The following LTBP4 variants were observed in gnomAD, a reference collection of about 807,000 sequenced individuals.
LTBP4 encodes latent transforming growth factor beta binding protein 4, also known as latent-transforming growth factor beta-binding protein 4.
LTBP4 carries 93 observed loss-of-function variants against 180.2 expected under a neutral mutation model. The observed-to-expected ratio is 0.52, with a 90% CI of 0.44 to 0.61. LTBP4 has a LOEUF of 0.61. Ranked by LOEUF, LTBP4 falls within the 20% of genes least tolerant of loss-of-function variation. LTBP4 has a pLI of 0.00. For missense variants in LTBP4, 2,116 were observed against 2,256.5 expected (o/e 0.94, Z 1.26); for synonymous variants, 947 against 934.5 (o/e 1.01, Z -0.24).
intron 11 of LTBP4, chr19:40,610,160 C>T (rs2081494975): frequency 2.0e-6 from 1 of 506,528 alleles, no homozygotes; most frequent in East Asian, 3.2e-5. Flanking sequence ...CCACGCCCCT[C>T]CCTGACTAAC....
rs2081504804 is a variant in LTBP4, at chr19:40,611,344, G to A, written c.2003G>A (p.Cys668Tyr). 7 of 1,611,002 alleles carry A rather than the reference G, an allele frequency of 4.3e-6. No individual in the cohort carries two copies. Among genetic ancestry groups the A allele is most frequent in the Non-Finnish European group, 5.1e-6 (6 of 1,179,280 alleles). Residue 668 changes from cysteine (C) to tyrosine (Y), a missense_variant, in exon 13 of 30, where the codon TGT becomes TAT. Transcript: ENST00000396819. The surrounding 1 kb of genome is among the most constrained non-coding windows in gnomAD (Gnocchi z 4.4). ...RCDNTAGSFH[C>Y]ACPAGFRSRG... ...GACAACACGGCAGGCTCCTTTCACTGTGCCTGCCCTGCTGGCTTCCGCTCC... is the reference window on the plus strand; with the variant it reads ...GACAACACGGCAGGCTCCTTTCACTATGCCTGCCCTGCTGGCTTCCGCTCC...
At position 40,611,365 on chromosome 19, in the gene LTBP4, G is replaced by A. The variant is rs544264949; in HGVS notation, c.2024G>A (p.Arg675His). 2.7e-5 allele frequency: 43 copies of A among 1,608,862 alleles called. 1 individual carries two copies. The highest frequency in any genetic ancestry group is 2.0e-4 in the East Asian group (9 of 44,830). Residue 675 changes from arginine to histidine, a missense_variant, in exon 13 of 30, where the codon CGC becomes CAC. Coordinates refer to ENST00000396819, the MANE Select transcript of LTBP4 (RefSeq NM_001042545.2). The surrounding 1 kb of genome is among the most constrained non-coding windows in gnomAD (Gnocchi z 4.4). ...CACTGTGCCTGCCCTGCTGGCTTCC[G>A]CTCCCGAGGGCCCGGGGCCCCCTGC... is the stretch of plus-strand genomic sequence containing the variant. ...SFHCACPAGF[R>H]SRGPGAPCQD...
At position 40,629,632 on chromosome 19, in the gene LTBP4, T is replaced by G; in HGVS notation, c.*82T>G. On this transcript the variant is annotated 3_prime_UTR_variant, in exon 30 of 30. Coordinates refer to ENST00000396819, the MANE Select transcript of LTBP4 (RefSeq NM_001042545.2). The surrounding 1 kb of genome is among the most constrained non-coding windows in gnomAD (Gnocchi z 4.5). ...ATCCTGCAGCCCGCTTATGCGTATG[T>G]GCACGGGGCCGCCCGCCTGGACCTG... The G allele has an allele frequency of 7.9e-7, 1 of 1,272,356 alleles. No homozygotes were observed. The highest frequency in any genetic ancestry group is 4.2e-5 in the Admixed American group (1 of 23,772). The allele number at this position is 1,272,356 out of a possible 1,614,324, so 78.8% of individuals were successfully genotyped here.
intron 29 of LTBP4, among the ~76,000 whole-genome samples, chr19:40,628,288 C>A (rs1391307107): frequency 6.6e-6 from 1 of 152,176 alleles, no homozygotes; most frequent in South Asian, 2.1e-4. Flanking sequence ...CGCCTGTAAT[C>A]CCAGCACTTT....
At position 40,609,785 on chromosome 19, in the gene LTBP4, C is replaced by T; in HGVS notation, c.1598C>T (p.Pro533Leu). 6.2e-7 allele frequency: 1 copy of T among 1,611,458 alleles called. No individual in the cohort carries two copies. The highest frequency in any genetic ancestry group is 8.5e-7 in the Non-Finnish European group (1 of 1,178,778). Residue 533 changes from proline to leucine, a missense_variant, in exon 11 of 30, where the codon CCC (proline) becomes CTC (leucine). Pro to Leu is a moderately conservative substitution (Grantham distance 98). Coordinates refer to ENST00000396819, the MANE Select transcript of LTBP4 (RefSeq NM_001042545.2). The surrounding 1 kb of genome is among the most constrained non-coding windows in gnomAD (Gnocchi z 4.9). ...ECRRVPPPCA[P>L]GRCENSPGSF... ...CGCCGCGTGCCCCCGCCCTGTGCTC[C>T]CGGGCGCTGCGAGAACTCACCAGGC...
chr19:40,611,577 C>T lies in LTBP4; in HGVS notation c.2053+183C>T, dbSNP rs2146030086. Among the ~76,000 whole-genome samples, 1 of 152,312 alleles carries T rather than the reference C, an allele frequency of 6.6e-6. No individual in the cohort carries two copies. Among genetic ancestry groups the T allele is most frequent in the African/African-American group, 2.4e-5 (1 of 41,564 alleles). Reference sequence around the variant, plus strand: ...AAATAAGGCAGTCCTCCCCACCCCTCCTCCCTTTTTGAAAGATACTCTTGT... The same window carrying T: ...AAATAAGGCAGTCCTCCCCACCCCTTCTCCCTTTTTGAAAGATACTCTTGT... On this transcript the variant is annotated intron_variant, in intron 13 of 29. Coordinates refer to ENST00000396819, the MANE Select transcript of LTBP4 (RefSeq NM_001042545.2). This position sits in a 1 kb window ranked among gnomAD's most constrained non-coding sequence, Gnocchi z 4.4.
chr19:40,617,297 A>G lies in LTBP4; in HGVS notation c.3070+72A>G, dbSNP rs2081557388. Reference sequence around the variant, plus strand: ...TTGGTCAGGCCCTGTCCCTCCCCATATATCTGAACAAATGGGAATTTTCGG... The same window carrying G: ...TTGGTCAGGCCCTGTCCCTCCCCATGTATCTGAACAAATGGGAATTTTCGG... On this transcript the variant is annotated intron_variant, in intron 21 of 29. Coordinates refer to ENST00000396819, the MANE Select transcript of LTBP4 (RefSeq NM_001042545.2). The G allele has an allele frequency of 3.3e-6, 5 of 1,514,304 alleles. No homozygotes were observed. The East Asian group carries it at 9.3e-5, about 28-fold the overall frequency. 93.8% of individuals were successfully genotyped at this position (1,514,304 alleles called of 1,614,324 possible).
rs753099684 is a variant in LTBP4 at position 40,627,877 on chromosome 19, C to T, written c.4519+20C>T. ...GCGTTGGTGAGGGCGGGCCCGGGGC[C>T]AGCATGCGCAGGGAGAGGCGAGGCT... On this transcript the variant is annotated intron_variant, in intron 29 of 29. Coordinates refer to ENST00000396819, the MANE Select transcript of LTBP4 (RefSeq NM_001042545.2). 6.5e-7 allele frequency: 1 copy of T among 1,550,048 alleles called. No individual in the cohort carries two copies. Among genetic ancestry groups the T allele is most frequent in the Non-Finnish European group, 8.7e-7 (1 of 1,153,878 alleles).
At chr19:40,626,791 C>T (rs186334627) in intron 27 of LTBP4, among the ~76,000 whole-genome samples, 184 bp from the exon 28 acceptor site, 1 of 152,338 alleles carries the variant, frequency 6.6e-6, no homozygotes, top group East Asian at 1.9e-4. Flanking sequence ...CTTCATTACC[C>T]TTGATCTCAG....
At chr19:40,626,093 C>G in intron 27 of LTBP4, 84 bp downstream of exon 27, 1 of 1,431,390 alleles carries the variant, frequency 7.0e-7, no homozygotes. Context: ...GTCGCAGAAC[C>G]CCCAGACTCT....
chr19:40,614,426 G>T lies in LTBP4; in HGVS notation c.2792G>T (p.Gly931Val), dbSNP rs754066547. 5 of 1,599,202 alleles carry T rather than the reference G, an allele frequency of 3.1e-6. No individual in the cohort carries two copies. The highest frequency in any genetic ancestry group is 4.2e-6 in the Non-Finnish European group (5 of 1,179,682). Residue 931 changes from glycine to valine, a missense_variant, in exon 19 of 30, where the codon GGC becomes GTC. Physicochemically the swap from Gly to Val is moderately radical, Grantham distance 109 (BLOSUM62 -3). Around this residue, in one of 5 missense-constraint regions of LTBP4, gnomAD observed 877 missense variants for 873.6 expected, o/e 1.00. Coordinates refer to ENST00000396819, the MANE Select transcript of LTBP4 (RefSeq NM_001042545.2). ...VRDCDPGYHAGPEGTCDDVDE... is the reference protein window; with the variant it reads ...VRDCDPGYHAVPEGTCDDVDE... ...GACTGCGATCCTGGGTACCACGCGG[G>T]CCCCGAGGGCACCTGTGACGGTGAG... is the stretch of plus-strand genomic sequence containing the variant.
At chr19:40,623,151 CTG>C (rs2081598816) in intron 24 of LTBP4, 130 bp downstream of exon 24, 1 of 563,360 alleles carries the variant, frequency 1.8e-6, no homozygotes. Context: ...CACCCATACT[CTG>C]TCTCTTTCTT....
chr19:40,621,904 C>T (rs149629234), intron 22 of LTBP4, among the ~76,000 whole-genome samples: 3,395 of 152,232 alleles, frequency 0.022, 62 homozygotes, highest in Non-Finnish European at 0.034. Context: ...TGCGCCACCA[C>T]ACCCGGCTAA....
intron 1 of LTBP4, among the ~76,000 whole-genome samples, 164 bp from the exon 2 acceptor site, chr19:40,604,871 T>C (rs569567289): frequency 6.6e-6 from 1 of 152,128 alleles, no homozygotes; most frequent in Non-Finnish European, 1.5e-5. Context: ...CTCTGATGGC[T>C]GAACAACTGG....
Position 40,623,706 on chromosome 19 carries a change from A to G in LTBP4, c.3659A>G (p.Tyr1220Cys), listed in dbSNP as rs762499190. ...TGCTATTGCAGCAACGGCTACTACT[A>G]CCACACACAGCGGCTGGAGTGCATC... ...YSCYCSNGYY[Y>C]HTQRLECIDN... The change falls in exon 25 of 30, where the codon TAC becomes TGC. Residue 1220 changes from tyrosine to cysteine, a missense_variant. Tyr to Cys is a radical substitution (Grantham distance 194). This residue lies in a region of LTBP4 where 278 missense variants were observed against 373.0 expected (regional missense o/e 0.75). Transcript: ENST00000396819. The G allele has an allele frequency of 1.9e-6, 3 of 1,613,742 alleles. No individual in the cohort carries two copies. The highest frequency in any genetic ancestry group is 2.2e-5 in the South Asian group (2 of 91,076).
chr19:40,612,107 T>G lies in LTBP4; in HGVS notation c.2214T>G (p.Pro738=). The G allele has an allele frequency of 6.2e-7, 1 of 1,613,678 alleles. No individual in the cohort carries two copies. The highest frequency in any genetic ancestry group is 1.3e-5 in the African/African-American group (1 of 75,014). ...AGTGTGAGAACCACCTCGCATGCCC[T>G]GGGCAGGAGTGTGTGAACTCGCCCG... ...VDECENHLAC[P]GQECVNSPGS... The change falls in exon 15 of 30, where the codon CCT becomes CCG. Residue 738 remains proline (P), a synonymous_variant. Coordinates refer to ENST00000396819, the MANE Select transcript of LTBP4 (RefSeq NM_001042545.2).
chr19:40,601,641 A>T lies in LTBP4; in HGVS notation c.250+4A>T. 1 of 1,358,486 alleles carries T rather than the reference A, an allele frequency of 7.4e-7. No homozygotes were observed. Among genetic ancestry groups the T allele is most frequent in the Non-Finnish European group, 9.4e-7 (1 of 1,061,298 alleles). 84.2% of individuals were successfully genotyped at this position (1,358,486 alleles called of 1,614,324 possible). A position where few individuals can be genotyped will look rare whatever the true frequency, so the allele number is the denominator to read the frequency against. ...GGGGGACCCGGCTTCCGCGCCTGTG[A>T]GTGCGGGGTGGTGGTCCCGAGAGAG... On this transcript the variant is annotated splice_donor_region_variant and intron_variant, in intron 1 of 29. Coordinates refer to ENST00000396819, the MANE Select transcript of LTBP4 (RefSeq NM_001042545.2).
At position 40,605,410 on chromosome 19, in the gene LTBP4, G is replaced by A. The variant is rs1232076850; in HGVS notation, c.448G>A (p.Ala150Thr). 3 of 1,612,890 alleles carry A rather than the reference G, an allele frequency of 1.9e-6. No homozygotes were observed. Among genetic ancestry groups the A allele is most frequent in the Non-Finnish European group, 2.5e-6 (3 of 1,179,856 alleles). Residue 150 changes from alanine (A) to threonine (T), a missense_variant, in exon 3 of 30, where the codon GCA becomes ACA. Physicochemically the swap from Ala to Thr is moderately conservative, Grantham distance 58 (BLOSUM62 0). Transcript: ENST00000396819. This position sits in a 1 kb window ranked among gnomAD's most constrained non-coding sequence, Gnocchi z 5.5. Reference protein sequence around the residue: ...ANHRDDEHGVASMVSVHVEHP... With the variant: ...ANHRDDEHGVTSMVSVHVEHP... ...CCCGGCCGTGCCTCCCCTAGGCGTG[G>A]CATCTATGGTGAGCGTCCACGTGGA...
intron 21 of LTBP4, among the ~76,000 whole-genome samples, chr19:40,619,070 T>C (rs1373712393): frequency 6.6e-6 from 1 of 151,968 alleles, no homozygotes; most frequent in Admixed American, 6.6e-5. Context: ...ACTGCCTATG[T>C]CTGAACCAGA....
Sources: allele counts gnomAD v4.1 joint callset (sites outside exome capture counted in the v4.1 genomes callset), GRCh38; gene constraint gnomAD v4.1.1; regional missense constraint gnomAD v4.1.1; non-coding constraint Gnocchi (gnomAD v3.1); transcripts MANE v1.5; gene names NCBI Gene and HGNC (gene_info 2026-07-23, HGNC 2026-07-21).